The following FAM168A variants were observed in gnomAD, a reference collection of about 807,000 sequenced individuals.
The protein encoded by FAM168A is family with sequence similarity 168 member A, also known as protein FAM168A.
A neutral mutation model predicts 28.5 loss-of-function variants in FAM168A; 3 were observed. That is an observed-to-expected ratio of 0.11 (90% CI 0.05 to 0.27). The LOEUF (loss-of-function observed/expected upper bound fraction) is 0.27, where lower values mean the gene tolerates loss of function less well. Ranked by LOEUF, FAM168A falls within the 10% of genes least tolerant of loss-of-function variation. FAM168A has a pLI of 1.00. For synonymous variants in FAM168A, 122 were observed against 124.2 expected, an observed-to-expected ratio of 0.98 and a Z score of 0.12; for missense variants, 222 against 311.5, an observed-to-expected ratio of 0.71 and a Z score of 2.16.
rs577608689 is a variant in FAM168A, at chr11:73,430,587, G to A, written c.151+103C>T. The A allele has an allele frequency of 2.1e-4, 223 of 1,077,534 alleles. 1 individual carries two copies. Among genetic ancestry groups the A allele is most frequent in the African/African-American group, 1.3e-3 (82 of 64,338 alleles). The allele number at this position is 1,077,534 out of a possible 1,614,324, so 66.7% of individuals were successfully genotyped here. ...AATCCAGCCTGGAGAGGCTGCGCCCGGAGCAATTAAGAACAGGAAAAGGCC... is the reference window on the plus strand; with the variant it reads ...AATCCAGCCTGGAGAGGCTGCGCCCAGAGCAATTAAGAACAGGAAAAGGCC... On this transcript the variant is annotated intron_variant, in intron 3 of 7. Transcript: ENST00000356467.
At chr11:73,498,192 T>C (rs1854932981) in intron 1 of FAM168A, among the ~76,000 whole-genome samples, 1 of 152,078 alleles carries the variant, frequency 6.6e-6, no homozygotes, top group Admixed American at 6.5e-5. Context: ...AGTATGTGAA[T>C]CCTTCGCCGG....
At chr11:73,519,832 A>G (rs903956810) in intron 1 of FAM168A, among the ~76,000 whole-genome samples, 3 of 148,514 alleles carry the variant, frequency 2.0e-5, no homozygotes, top group Admixed American at 2.0e-4. Flanking sequence ...ATATATGTAT[A>G]TTTTTTTTTT....
intron 1 of FAM168A, among the ~76,000 whole-genome samples, chr11:73,541,675 A>G (rs1943660196): frequency 6.6e-6 from 1 of 152,086 alleles, no homozygotes; most frequent in African/African-American, 2.4e-5. Flanking sequence ...CGGCTCCTAA[A>G]CTTCTTTAAT....
At chr11:73,483,187 T>C (rs939904611) in intron 1 of FAM168A, among the ~76,000 whole-genome samples, 1 of 152,232 alleles carries the variant, frequency 6.6e-6, no homozygotes, top group African/African-American at 2.4e-5. Flanking sequence ...TGAGCACATG[T>C]AAACACGATA....
At chr11:73,442,218 C>T (rs1010808582) in intron 2 of FAM168A, among the ~76,000 whole-genome samples, 7 of 151,676 alleles carry the variant, frequency 4.6e-5, no homozygotes, top group Non-Finnish European at 8.8e-5. Flanking sequence ...CTCCACCTCC[C>T]GGATTCACGC....
chr11:73,498,362 T>C (rs1305831640), intron 1 of FAM168A, among the ~76,000 whole-genome samples: 1 of 152,084 alleles, frequency 6.6e-6, no homozygotes, highest in Non-Finnish European at 1.5e-5. Context: ...ATGAGCACGC[T>C]ACCCAGCCAG....
rs111982716 is a variant in FAM168A, at chr11:73,511,898, G to A, written c.-18-43406C>T. On this transcript the variant is annotated intron_variant, in intron 1 of 7. Transcript: ENST00000356467. ...CTTTCCTTCTTGCTCCCATGTCACA[G>A]TGTATTTATTTCTACTACAGCATTA... Among the ~76,000 whole-genome samples the A allele has an allele frequency of 1.1e-3, 171 of 152,276 alleles. 1 individual carries two copies. The highest frequency in any genetic ancestry group is 3.9e-3 in the African/African-American group (162 of 41,548).
chr11:73,472,289 C>G (rs1240938820), intron 1 of FAM168A, among the ~76,000 whole-genome samples: 1 of 152,172 alleles, frequency 6.6e-6, no homozygotes, highest in African/African-American at 2.4e-5. Flanking sequence ...GTTGAAGGAG[C>G]AAGCCATGGA....
intron 6 of FAM168A, among the ~76,000 whole-genome samples, chr11:73,408,834 C>A (rs181028557): frequency 6.8e-4 from 104 of 152,034 alleles, no homozygotes; most frequent in African/African-American, 2.5e-3. Context: ...TTTTGTCATC[C>A]CTCATAATTA....
At chr11:73,468,275 G>A (rs1463431091) in intron 2 of FAM168A, 130 bp downstream of exon 2, 16 of 725,386 alleles carry the variant, frequency 2.2e-5, no homozygotes, top group Non-Finnish European at 3.6e-5. Context: ...CTGGACCTCA[G>A]ACATATCTTC....
intron 2 of FAM168A, among the ~76,000 whole-genome samples, chr11:73,435,763 T>C (rs1169627739): frequency 6.6e-6 from 1 of 152,154 alleles, no homozygotes; most frequent in East Asian, 1.9e-4. Context: ...TTGTGACACA[T>C]GACTGTACAC....
intron 1 of FAM168A, among the ~76,000 whole-genome samples, chr11:73,571,375 G>A (rs1200253856): frequency 2.6e-5 from 4 of 151,692 alleles, no homozygotes; most frequent in Non-Finnish European, 5.9e-5. Flanking sequence ...CCTGCCGAGT[G>A]CCTGCGATTG....
intron 1 of FAM168A, among the ~76,000 whole-genome samples, chr11:73,503,085 C>G (rs1440453668): frequency 1.3e-5 from 2 of 152,070 alleles, no homozygotes; most frequent in Admixed American, 6.5e-5. Flanking sequence ...CTTTAAAAAC[C>G]AGTACAGGAC....
intron 1 of FAM168A, among the ~76,000 whole-genome samples, chr11:73,590,008 A>C (rs575656270): frequency 6.6e-6 from 1 of 152,346 alleles, no homozygotes; most frequent in Admixed American, 6.5e-5. Context: ...AACAGACTGA[A>C]TACTGAGGCA....
chr11:73,518,994 C>T (rs530685227), intron 1 of FAM168A, among the ~76,000 whole-genome samples: 1 of 152,210 alleles, frequency 6.6e-6, no homozygotes, highest in African/African-American at 2.4e-5. Context: ...GAAGCCCTCA[C>T]CAGAAGCAGA....
At chr11:73,523,293 G>A (rs1237148031) in intron 1 of FAM168A, among the ~76,000 whole-genome samples, 1 of 152,088 alleles carries the variant, frequency 6.6e-6, no homozygotes, top group African/African-American at 2.4e-5. Flanking sequence ...TTTTTGGGGA[G>A]AAGGAAGGCA....
intron 5 of FAM168A, 83 bp downstream of exon 5, chr11:73,411,311 A>G: frequency 6.9e-7 from 1 of 1,456,432 alleles, no homozygotes; most frequent in Non-Finnish European, 9.2e-7. Flanking sequence ...TCCTTCCCTC[A>G]CTTCCTCACC....
intron 1 of FAM168A, among the ~76,000 whole-genome samples, chr11:73,537,282 C>T (rs1346108650): frequency 6.6e-6 from 1 of 152,090 alleles, no homozygotes; most frequent in Admixed American, 6.6e-5. Context: ...CTTTGTAGGC[C>T]AGGCATGGTG....
At chr11:73,537,345 G>GA (rs1276200459) in intron 1 of FAM168A, among the ~76,000 whole-genome samples, 6 of 152,118 alleles carry the variant, frequency 3.9e-5, no homozygotes, top group Admixed American at 3.9e-4. Context: ...CAGTTCGCTT[G>GA]AGCTCAGGAG....
Sources: gnomAD v4.1 joint callset for allele counts (sites outside exome capture counted in the v4.1 genomes callset) on GRCh38, gnomAD v4.1.1 for gene constraint, MANE v1.5 for transcripts, NCBI Gene and HGNC (gene_info 2026-07-23, HGNC 2026-07-21) for gene names.